The following CHN2 variants were observed in gnomAD, a reference collection of about 807,000 sequenced individuals.
CHN2 encodes chimerin 2.
A neutral mutation model predicts 56.3 loss-of-function variants in CHN2; 35 were observed. The ratio of observed to expected loss-of-function variants is 0.62; its 90% confidence interval spans 0.47 to 0.82. The LOEUF is 0.82. Ranked by LOEUF, CHN2 falls within the 40% of genes least tolerant of loss-of-function variation. The pLI is 0.00. For synonymous variants in CHN2, 210 were observed against 212.8 expected, an observed-to-expected ratio of 0.99 and a Z score of 0.12; for missense variants, 491 against 580.5, an observed-to-expected ratio of 0.85 and a Z score of 1.58.
intron 6 of CHN2, among the ~76,000 whole-genome samples, chr7:29,402,070 G>C (rs1224639428): frequency 6.6e-6 from 1 of 152,148 alleles, no homozygotes; most frequent in African/African-American, 2.4e-5. Flanking sequence ...AGTTAAACCG[G>C]AACGGGCCTC....
intron 6 of CHN2, among the ~76,000 whole-genome samples, chr7:29,475,481 G>A (rs1324889576): frequency 6.6e-6 from 1 of 152,176 alleles, no homozygotes; most frequent in Non-Finnish European, 1.5e-5. Flanking sequence ...GGGGATGAGA[G>A]ACTGTTTAAA....
chr7:29,371,704 C>A (rs906646949), intron 3 of CHN2, among the ~76,000 whole-genome samples: 3 of 152,200 alleles, frequency 2.0e-5, no homozygotes, highest in African/African-American at 7.2e-5. Context: ...CACAGGCCAC[C>A]ACCAGCCTCA....
rs568300114 is a variant in CHN2 at position 29,328,681 on chromosome 7, A to AG, written c.50-25944_50-25943insG. On this transcript the variant is annotated intron_variant, in intron 1 of 12. Coordinates refer to ENST00000222792, the MANE Select transcript of CHN2 (RefSeq NM_004067.4). ...CACTATTGCTGAATTAAAAAAAAAA[A>AG]AAAGAAACAGCAGAAAAAGGCTAAT... 5.6e-3 allele frequency among the ~76,000 whole-genome samples: 854 copies of AG among 152,046 alleles called. 6 individuals carry two copies. The highest frequency in any genetic ancestry group is 0.02 in the African/African-American group (817 of 41,522).
chr7:29,476,491 C>T (rs1235529227), intron 6 of CHN2, among the ~76,000 whole-genome samples: 1 of 150,878 alleles, frequency 6.6e-6, no homozygotes, highest in African/African-American at 2.4e-5. Flanking sequence ...GAGCCGAGAT[C>T]GCGCCATTGC....
upstream of CHN2, among the ~76,000 whole-genome samples, chr7:29,190,111 A>G (rs1782702456): frequency 6.6e-6 from 1 of 152,246 alleles, no homozygotes; most frequent in Admixed American, 6.5e-5. Flanking sequence ...CGCCTGCCTC[A>G]GAAGAGCCAA....
intron 6 of CHN2, among the ~76,000 whole-genome samples, chr7:29,444,079 A>G (rs1483626885): frequency 2.0e-5 from 3 of 152,250 alleles, no homozygotes; most frequent in African/African-American, 7.2e-5. Flanking sequence ...AGAAATTACC[A>G]TTATAAATTT....
At chr7:29,282,028 A>T (rs564870699) in intron 1 of CHN2, among the ~76,000 whole-genome samples, 2 of 152,090 alleles carry the variant, frequency 1.3e-5, no homozygotes, top group South Asian at 4.2e-4. Flanking sequence ...CAGTGGCGTG[A>T]TAGAACAGGC....
In CHN2 at chr7:29,367,910, C is replaced by G. The variant is rs768423941; in HGVS notation, c.89-22C>G. 2.5e-6 allele frequency: 4 copies of G among 1,604,088 alleles called. No homozygotes were observed. The Admixed American group carries it at 5.1e-5, about 20-fold the overall frequency. Reference sequence around the variant, plus strand: ...ATTCTAATTCTAATTATTTCTCTCTCTCTCTCTCTCTTTTTTGGCAGTATA... The same window carrying G: ...ATTCTAATTCTAATTATTTCTCTCTGTCTCTCTCTCTTTTTTGGCAGTATA... On this transcript the variant is annotated intron_variant, in intron 2 of 12. Coordinates refer to ENST00000222792, the MANE Select transcript of CHN2 (RefSeq NM_004067.4).
At chr7:29,329,889 G>A (rs1796093126) in intron 1 of CHN2, among the ~76,000 whole-genome samples, 1 of 152,198 alleles carries the variant, frequency 6.6e-6, no homozygotes, top group Admixed American at 6.5e-5. Flanking sequence ...CTAGATGACA[G>A]TTTTCTGTGG....
chr7:29,341,831 G>T (rs1797070920), intron 1 of CHN2, among the ~76,000 whole-genome samples: 1 of 152,160 alleles, frequency 6.6e-6, no homozygotes. Context: ...TGGGACTAGG[G>T]TCATAGGGAG....
intron 6 of CHN2, among the ~76,000 whole-genome samples, chr7:29,452,701 G>A (rs1585440809): frequency 1.3e-5 from 2 of 152,218 alleles, no homozygotes; most frequent in East Asian, 3.8e-4. Flanking sequence ...TGGTTGGCTG[G>A]TGCATGCTCT....
intron 1 of CHN2, among the ~76,000 whole-genome samples, chr7:29,346,139 G>A (rs1797417965): frequency 1.3e-5 from 2 of 152,156 alleles, no homozygotes; most frequent in South Asian, 4.1e-4. Context: ...GCAGCAGTCA[G>A]GATGACCTCC....
intron 1 of CHN2, among the ~76,000 whole-genome samples, chr7:29,218,150 G>A (rs1562839682): frequency 6.6e-6 from 1 of 152,104 alleles, no homozygotes; most frequent in African/African-American, 2.4e-5. Flanking sequence ...GGTGATGTTA[G>A]TCTCATTAGG....
intron 6 of CHN2, among the ~76,000 whole-genome samples, chr7:29,417,966 C>T (rs181097054): frequency 1.3e-5 from 2 of 152,276 alleles, no homozygotes; most frequent in East Asian, 3.9e-4. Context: ...ACATGTGAGG[C>T]TGGAGAGTCG....
chr7:29,220,098 A>G (rs535176542), intron 1 of CHN2, among the ~76,000 whole-genome samples: 6 of 152,116 alleles, frequency 3.9e-5, no homozygotes, highest in African/African-American at 7.2e-5. Context: ...AATTTAAAAA[A>G]AAAGGAAAAG....
intron 1 of CHN2, among the ~76,000 whole-genome samples, chr7:29,251,176 A>G (rs1191493708): frequency 1.3e-5 from 2 of 152,202 alleles, no homozygotes; most frequent in Non-Finnish European, 2.9e-5. Flanking sequence ...ATACCAGACC[A>G]GGCATGTGGC....
At chr7:29,484,245 A>G (rs1303350358) in intron 7 of CHN2, among the ~76,000 whole-genome samples, 1 of 152,226 alleles carries the variant, frequency 6.6e-6, no homozygotes, top group Non-Finnish European at 1.5e-5. Context: ...AAGTAAATGG[A>G]TGACTTAGAT....
chr7:29,429,298 G>C (rs1330756434), intron 6 of CHN2, among the ~76,000 whole-genome samples: 1 of 152,200 alleles, frequency 6.6e-6, no homozygotes, highest in African/African-American at 2.4e-5. Flanking sequence ...ATTTAACCAA[G>C]TAAGTAAAAG....
intron 1 of CHN2, among the ~76,000 whole-genome samples, chr7:29,239,978 AACTC>A (rs1257509082): frequency 3.3e-5 from 5 of 152,120 alleles, no homozygotes; most frequent in Admixed American, 6.5e-5. Flanking sequence ...ATTGGCAACT[AACTC>A]AAACATTTTT....
Sources: gnomAD v4.1 joint callset for allele counts (sites outside exome capture counted in the v4.1 genomes callset) on GRCh38, gnomAD v4.1.1 for gene constraint, MANE v1.5 for transcripts, NCBI Gene and HGNC (gene_info 2026-07-23, HGNC 2026-07-21) for gene names.